CRYL1: variants seen among roughly 807,000 people sequenced by gnomAD.
The protein encoded by CRYL1 is lambda-crystallin homolog.
A neutral mutation model predicts 36.6 loss-of-function variants in CRYL1; 29 were observed. The observed-to-expected ratio is 0.79, with a 90% CI of 0.59 to 1.08. The LOEUF (loss-of-function observed/expected upper bound fraction) is 1.08, where lower values mean the gene tolerates loss of function less well. Ranked by LOEUF, CRYL1 falls within the 50% of genes least tolerant of loss-of-function variation. The probability of loss-of-function intolerance (pLI) is 0.00; values close to 1 mark genes in which losing one functional copy is unlikely to be tolerated. For synonymous variants in CRYL1, 152 were observed against 151.5 expected (o/e 1.00, Z -0.02); for missense variants, 411 against 407.9 (o/e 1.01, Z -0.06).
chr13:20,432,422 A>T, intron 4 of CRYL1, 126 bp from the exon 5 acceptor site: 1 of 583,462 alleles, frequency 1.7e-6, no homozygotes. Flanking sequence ...TCAGTGGCCA[A>T]CAACAAGATA....
rs766158667 is a variant in CRYL1 at position 20,411,777 on chromosome 13, G to A, written c.739+1505C>T. ...ATCTTCCCATAAAACTAACACACAC[G>A]TGCTGGAGCAGATTCCCCTCTTCCC... On this transcript the variant is annotated intron_variant, in intron 6 of 7. Transcript: ENST00000298248. Among the ~76,000 whole-genome samples, 80 of 152,164 alleles carry A rather than the reference G, an allele frequency of 5.3e-4. 2 individuals are homozygous for A. The highest frequency in any genetic ancestry group is 3.9e-4 in the East Asian group (2 of 5,172).
At chr13:20,438,804 C>G (rs928000495) in intron 4 of CRYL1, among the ~76,000 whole-genome samples, 1 of 152,192 alleles carries the variant, frequency 6.6e-6, no homozygotes, top group Non-Finnish European at 1.5e-5. Flanking sequence ...GTCACCTTTC[C>G]CATTCTAACA....
chr13:20,516,115 G>A (rs950202965), intron 1 of CRYL1, among the ~76,000 whole-genome samples: 2 of 150,536 alleles, frequency 1.3e-5, no homozygotes, highest in African/African-American at 4.9e-5. Flanking sequence ...CGCTTGAACC[G>A]GTGGGGAGGA....
At chr13:20,498,922 T>C (rs929341072) in intron 2 of CRYL1, among the ~76,000 whole-genome samples, 5 of 152,232 alleles carry the variant, frequency 3.3e-5, no homozygotes, top group African/African-American at 1.2e-4. Context: ...CCTTTGATAT[T>C]TGACAGACTT....
intron 2 of CRYL1, among the ~76,000 whole-genome samples, chr13:20,497,309 C>T (rs1212523152): frequency 7.4e-6 from 1 of 135,142 alleles, no homozygotes; most frequent in Admixed American, 7.7e-5. Context: ...ACACACACCG[C>T]ATATACACAC....
chr13:20,410,663 G>A (rs1316012361), intron 6 of CRYL1, among the ~76,000 whole-genome samples: 1 of 152,122 alleles, frequency 6.6e-6, no homozygotes, highest in East Asian at 1.9e-4. Context: ...AAAGTAGTAC[G>A]TGAAAGAAAC....
Position 20,460,640 on chromosome 13 carries a change from C to T in CRYL1, c.277-20886G>A, listed in dbSNP as rs573892935. Among the ~76,000 whole-genome samples, 1,309 of 150,936 alleles carry T rather than the reference C, an allele frequency of 8.7e-3. 25 individuals carry two copies. Among genetic ancestry groups the T allele is most frequent in the African/African-American group, 0.03 (1,246 of 41,106 alleles). ...ACCCGGGTTCACGCCATTCTCCTGC[C>T]TCAGCCTCCCAAGTAGCCGGGACTA... is the stretch of plus-strand genomic sequence containing the variant. On this transcript the variant is annotated intron_variant, in intron 3 of 7. Transcript: ENST00000298248.
At position 20,439,730 on chromosome 13, in the gene CRYL1, G is replaced by T. The variant is rs1372381363; in HGVS notation, c.301C>A (p.Leu101Met). The T allele has an allele frequency of 6.2e-7, 1 of 1,614,032 alleles. No homozygotes were observed. Among genetic ancestry groups the T allele is most frequent in the East Asian group, 2.2e-5 (1 of 44,874 alleles). The change falls in exon 4 of 8, where the codon CTG (leucine) becomes ATG (methionine). Residue 101 changes from leucine (L) to methionine (M), a missense_variant. By Grantham distance (15) the Leu-to-Met change is conservative. Coordinates refer to ENST00000298248, the MANE Select transcript of CRYL1 (RefSeq NM_015974.3). ...AACTGAGCAAAAATCTTCTTCTTCA[G>T]TTCTAGATCTTCTGGAACACATTCC... ...IQECVPEDLE[L>M]KKKIFAQLDS...
intron 4 of CRYL1, 79 bp downstream of exon 4, chr13:20,439,514 C>CAACA: frequency 3.0e-6 from 1 of 330,904 alleles, no homozygotes; most frequent in East Asian, 8.4e-5. Flanking sequence ...CCCTCCCCCG[C>CAACA]AAAAAAAAAA....
intron 2 of CRYL1, among the ~76,000 whole-genome samples, chr13:20,503,353 A>T (rs2033737633): frequency 6.9e-6 from 1 of 145,122 alleles, no homozygotes; most frequent in Non-Finnish European, 1.6e-5. Flanking sequence ...GGGCTCACTC[A>T]TGCGGCTTGC....
At chr13:20,510,888 A>G (rs2137507716) in intron 2 of CRYL1, among the ~76,000 whole-genome samples, 1 of 152,068 alleles carries the variant, frequency 6.6e-6, no homozygotes, top group African/African-American at 2.4e-5. Context: ...CAGTAAGATT[A>G]CTAGGCCACA....
Position 20,492,286 on chromosome 13 carries a change from C to T in CRYL1, c.150-2790G>A, listed in dbSNP as rs910842143. On this transcript the variant is annotated intron_variant, in intron 2 of 7. Coordinates refer to ENST00000298248, the MANE Select transcript of CRYL1 (RefSeq NM_015974.3). ...CATACTATAAAACCACTGAATTGGA[C>T]GTGTCAAATGAGTCAATTGTATGAC... 3.9e-5 allele frequency among the ~76,000 whole-genome samples: 6 copies of T among 152,294 alleles called. No homozygotes were observed. In the South Asian group the frequency reaches 1.2e-3, roughly 32 times the overall value.
chr13:20,448,675 GA>G lies in CRYL1; in HGVS notation c.277-8922del, dbSNP rs568498100. The stretch of plus-strand genomic sequence containing the variant: ...CAATGACATTTTTTAAGTGCTGAAA[GA>G]AAAAAAACTATCAACTTAGAATTCT... On this transcript the variant is annotated intron_variant, in intron 3 of 7. Coordinates refer to ENST00000298248, the MANE Select transcript of CRYL1 (RefSeq NM_015974.3). Among the ~76,000 whole-genome samples, 443 of 151,864 alleles carry G rather than the reference GA, an allele frequency of 2.9e-3. 2 individuals are homozygous for G. The highest frequency in any genetic ancestry group is 5.1e-3 in the Admixed American group (78 of 15,254).
chr13:20,493,383 G>A (rs971198215), intron 2 of CRYL1, among the ~76,000 whole-genome samples: 1 of 152,358 alleles, frequency 6.6e-6, no homozygotes, highest in Non-Finnish European at 1.5e-5. Flanking sequence ...ACCCAGGCCA[G>A]GCGCGGTGGC....
At chr13:20,518,733 C>T (rs757217016) in intron 1 of CRYL1, among the ~76,000 whole-genome samples, 2 of 152,010 alleles carry the variant, frequency 1.3e-5, no homozygotes, top group Admixed American at 6.6e-5. Context: ...GTGCCCGATG[C>T]GATGGGAGGC....
chr13:20,525,618 C>A lies in CRYL1; in HGVS notation c.41+136G>T. ...CGCCAGCGCCGTAGGGGCCGCAGGG[C>A]GCAGGGCTTCGGAGGACCGGAGGCC... is the stretch of plus-strand genomic sequence containing the variant. On this transcript the variant is annotated intron_variant, in intron 1 of 7. Transcript: ENST00000298248. The surrounding 1 kb of genome is among the most constrained non-coding windows in gnomAD (Gnocchi z 4.3). 1 of 694,582 alleles carries A rather than the reference C, an allele frequency of 1.4e-6. No homozygotes were observed. Among genetic ancestry groups the A allele is most frequent in the Admixed American group, 4.5e-5 (1 of 21,990 alleles). The allele number at this position is 694,582 out of a possible 1,614,324, so 43.0% of individuals were successfully genotyped here. A position where few individuals can be genotyped will look rare whatever the true frequency, so the allele number is the denominator to read the frequency against.
intron 3 of CRYL1, among the ~76,000 whole-genome samples, chr13:20,453,673 T>A (rs1444216107): frequency 6.6e-6 from 1 of 151,522 alleles, no homozygotes; most frequent in Non-Finnish European, 1.5e-5. Flanking sequence ...TCAATGAAAT[T>A]GAAAACAGAA....
intron 3 of CRYL1, among the ~76,000 whole-genome samples, chr13:20,472,089 G>C (rs1244106331): frequency 6.6e-6 from 1 of 152,010 alleles, no homozygotes; most frequent in African/African-American, 2.4e-5. Context: ...TCCAACTCCT[G>C]ACCTCAGGTG....
At chr13:20,515,563 C>G (rs1167123354) in intron 1 of CRYL1, among the ~76,000 whole-genome samples, 1 of 152,120 alleles carries the variant, frequency 6.6e-6, no homozygotes, top group Non-Finnish European at 1.5e-5. Flanking sequence ...ATGCAAAAAA[C>G]AGCTATCTGT....
Sources: gnomAD v4.1 joint callset for allele counts (sites outside exome capture counted in the v4.1 genomes callset) on GRCh38, gnomAD v4.1.1 for gene constraint, Gnocchi (gnomAD v3.1) non-coding constraint, MANE v1.5 for transcripts, NCBI Gene and HGNC (gene_info 2026-07-23, HGNC 2026-07-21) for gene names.